The following MYO1E variants were observed in gnomAD, a reference collection of about 807,000 sequenced individuals.
MYO1E encodes the protein unconventional myosin-Ie.
Under a neutral mutation model 151.1 loss-of-function variants are expected in MYO1E, and 68 were observed. The observed-to-expected ratio is 0.45, with a 90% CI of 0.37 to 0.55. The LOEUF (loss-of-function observed/expected upper bound fraction) is 0.55, where lower values mean the gene tolerates loss of function less well. Ranked by LOEUF, MYO1E falls within the 20% of genes least tolerant of loss-of-function variation. MYO1E has a pLI of 0.00. For missense variants in MYO1E, 1,363 were observed against 1,389.3 expected (o/e 0.98, Z 0.30); for synonymous variants, 601 against 501.7 (o/e 1.20, Z -2.64).
chr15:59,187,411 G>A (rs945442153), intron 18 of MYO1E, among the ~76,000 whole-genome samples: 1 of 152,166 alleles, frequency 6.6e-6, no homozygotes, highest in Non-Finnish European at 1.5e-5. Context: ...ACACTCACTA[G>A]GATGGTTAGA....
At chr15:59,140,034 C>T (rs964871451) in intron 26 of MYO1E, among the ~76,000 whole-genome samples, 8 of 151,808 alleles carry the variant, frequency 5.3e-5, no homozygotes, top group African/African-American at 1.9e-4. Flanking sequence ...TCAACATCTG[C>T]ACTACTGACA....
intron 1 of MYO1E, among the ~76,000 whole-genome samples, chr15:59,362,862 T>A (rs2080892943): frequency 6.6e-6 from 1 of 152,268 alleles, no homozygotes; most frequent in South Asian, 2.1e-4. Context: ...TTTGTTGTTG[T>A]ATTCTGTAAT....
At chr15:59,299,014 A>T (rs2080467385) in intron 1 of MYO1E, among the ~76,000 whole-genome samples, 3 of 152,252 alleles carry the variant, frequency 2.0e-5, no homozygotes, top group Admixed American at 6.5e-5. Context: ...TCAGAAAAAA[A>T]GCCTGGTCTC....
chr15:59,320,222 A>G (rs577387836), intron 1 of MYO1E, among the ~76,000 whole-genome samples: 33 of 152,368 alleles, frequency 2.2e-4, no homozygotes, highest in African/African-American at 7.9e-4. Context: ...GGAAGAATCA[A>G]TATCGTTAAA....
intron 3 of MYO1E, among the ~76,000 whole-genome samples, chr15:59,261,165 A>G (rs2080222525): frequency 6.6e-6 from 1 of 152,234 alleles, no homozygotes; most frequent in Middle Eastern, 3.4e-3. Flanking sequence ...GTGAGCGGAG[A>G]TCATGCCCAG....
chr15:59,223,091 A>G lies in MYO1E; in HGVS notation c.878T>C (p.Val293Ala), dbSNP rs1452804764. Residue 293 changes from valine to alanine, a missense_variant, in exon 9 of 28, where the codon GTT (valine) becomes GCT (alanine). Coordinates refer to ENST00000288235, the MANE Select transcript of MYO1E (RefSeq NM_004998.4). ...ACTCTCCACAGCCGCGTAGTTGCCA[A>G]CTTCTTTGAAGCTGATGTTTCCCAG... ...LHLGNISFKE[V>A]GNYAAVESEE... The G allele has an allele frequency of 1.9e-6, 3 of 1,613,900 alleles. No individual in the cohort carries two copies. Among genetic ancestry groups the G allele is most frequent in the Admixed American group, 1.7e-5 (1 of 60,016 alleles).
chr15:59,365,562 G>A (rs564408362), intron 1 of MYO1E, among the ~76,000 whole-genome samples: 2 of 152,258 alleles, frequency 1.3e-5, no homozygotes, highest in East Asian at 3.9e-4. Flanking sequence ...ATGAGACTTT[G>A]GAAGTAATTT....
rs2140297593 is a variant in MYO1E, at chr15:59,137,382, A to C, written c.3325T>G (p.Ter1109GlyextTer50). The C allele has an allele frequency of 6.2e-7, 1 of 1,614,092 alleles. No individual in the cohort carries two copies. The highest frequency in any genetic ancestry group is 2.2e-5 in the East Asian group (1 of 44,876). The change falls in exon 28 of 28, where the codon TGA (stop) becomes GGA (glycine). Residue 1109 changes from the stop codon to glycine (G), a stop_lost. Coordinates refer to ENST00000288235, the MANE Select transcript of MYO1E (RefSeq NM_004998.4). ...CATGTGTCAGAGTCACGGGCACCTC[A>C]GATCTTGGTCACATAGTTGTTGGGG... Reference protein sequence around the residue: ...LFPNNYVTKI* With the variant: ...LFPNNYVTKIG
At chr15:59,202,166 C>T (rs1215230563) in intron 16 of MYO1E, among the ~76,000 whole-genome samples, 160 bp downstream of exon 16, 1 of 152,186 alleles carries the variant, frequency 6.6e-6, no homozygotes, top group Non-Finnish European at 1.5e-5. Flanking sequence ...CAGCTTGCAT[C>T]CTGGAACCTT....
intron 26 of MYO1E, among the ~76,000 whole-genome samples, chr15:59,139,563 T>C (rs12900331): frequency 0.39 from 54,229 of 137,928 alleles, 11,123 homozygotes; most frequent in African/African-American, 0.55. Flanking sequence ...CCGTCTCACC[T>C]TCTCATTATT....
intron 1 of MYO1E, among the ~76,000 whole-genome samples, chr15:59,366,844 AT>A (rs2080916720): frequency 1.3e-5 from 2 of 152,294 alleles, no homozygotes; most frequent in Non-Finnish European, 2.9e-5. Flanking sequence ...TGAGATGTTT[AT>A]TTTAATACCT....
intron 22 of MYO1E, among the ~76,000 whole-genome samples, chr15:59,168,580 A>C (rs113309610): frequency 6.6e-6 from 1 of 152,082 alleles, no homozygotes. Flanking sequence ...GAACCACCAC[A>C]TGTCAGATTT....
chr15:59,341,297 G>C (rs2080764320), intron 1 of MYO1E: 1 of 151,862 alleles, frequency 6.6e-6, no homozygotes, highest in Non-Finnish European at 1.5e-5. Context: ...GCAAACACTA[G>C]ATTTTTTTTT....
chr15:59,208,799 T>A lies in MYO1E; in HGVS notation c.1412A>T (p.His471Leu). The A allele has an allele frequency of 6.2e-7, 1 of 1,614,232 alleles. No individual in the cohort carries two copies. Among genetic ancestry groups the A allele is most frequent in the Non-Finnish European group, 8.5e-7 (1 of 1,180,038 alleles). The change falls in exon 14 of 28, where the codon CAT (histidine) becomes CTT (leucine). Residue 471 changes from histidine to leucine, a missense_variant. Physicochemically the swap from His to Leu is moderately conservative, Grantham distance 99 (BLOSUM62 -3). Transcript: ENST00000288235. Reference sequence around the variant, plus strand: ...CTGATCTGCCCCCTCACCCACCGCATGCATCGTGGCGCACACGTCATCCAG... The same window carrying A: ...CTGATCTGCCCCCTCACCCACCGCAAGCATCGTGGCGCACACGTCATCCAG... ...SILDDVCATMHAVGEGADQTL... is the reference protein window; with the variant it reads ...SILDDVCATMLAVGEGADQTL...
At chr15:59,258,848 C>CT (rs2080209101) in intron 3 of MYO1E, among the ~76,000 whole-genome samples, 1 of 149,760 alleles carries the variant, frequency 6.7e-6, no homozygotes, top group Non-Finnish European at 1.5e-5. Flanking sequence ...CAGAGTGAGA[C>CT]TTTGTTTCAA....
intron 6 of MYO1E, among the ~76,000 whole-genome samples, chr15:59,228,878 G>A (rs1489434402): frequency 6.6e-6 from 1 of 152,134 alleles, no homozygotes; most frequent in Non-Finnish European, 1.5e-5. Context: ...TATTCTAGGT[G>A]TCAAGAAAGA....
intron 1 of MYO1E, among the ~76,000 whole-genome samples, chr15:59,337,865 T>C (rs1330474863): frequency 3.9e-5 from 6 of 152,214 alleles, no homozygotes; most frequent in Admixed American, 1.3e-4. Context: ...CACAGAGTTC[T>C]TATAGGACAA....
intron 12 of MYO1E, among the ~76,000 whole-genome samples, chr15:59,213,178 A>ATTG (rs2079891656): frequency 1.9e-5 from 2 of 105,188 alleles, no homozygotes; most frequent in African/African-American, 5.9e-5. Context: ...TATTATTATT[A>ATTG]TTATTATTTT....
chr15:59,369,723 C>CA (rs1199373373), intron 1 of MYO1E, among the ~76,000 whole-genome samples: 1 of 152,110 alleles, frequency 6.6e-6, no homozygotes, highest in Non-Finnish European at 1.5e-5. Flanking sequence ...AGTGAGTTTT[C>CA]AGGAGGAAGA....
Sources: allele counts gnomAD v4.1 joint callset (sites outside exome capture counted in the v4.1 genomes callset), GRCh38; gene constraint gnomAD v4.1.1; transcripts MANE v1.5; gene names NCBI Gene and HGNC (gene_info 2026-07-23, HGNC 2026-07-21).